SLC5A11: variants seen among roughly 807,000 people sequenced by gnomAD.
SLC5A11 encodes the protein sodium/myo-inositol cotransporter 2.
SLC5A11 carries 48 observed loss-of-function variants against 69.8 expected under a neutral mutation model. The observed-to-expected ratio is 0.69, with a 90% CI of 0.55 to 0.87. The LOEUF is 0.87. SLC5A11 is among the 40% of genes least tolerant of loss of function. The probability of loss-of-function intolerance (pLI) is 0.00; values close to 1 mark genes in which losing one functional copy is unlikely to be tolerated. For synonymous variants in SLC5A11, 319 were observed against 342.4 expected (o/e 0.93, Z 0.75); for missense variants, 784 against 866.1 (o/e 0.91, Z 1.19).
chr16:24,902,472 A>C (rs185066650), intron 10 of SLC5A11, among the ~76,000 whole-genome samples: 46 of 151,786 alleles, frequency 3.0e-4, no homozygotes, highest in African/African-American at 1.0e-3. Flanking sequence ...ATGCCTGAAG[A>C]CCTGGGTTGA....
At chr16:24,853,908 T>C (rs942518785) in intron 1 of SLC5A11, among the ~76,000 whole-genome samples, 2 of 152,220 alleles carry the variant, frequency 1.3e-5, no homozygotes, top group Admixed American at 1.3e-4. Context: ...CCTGGGATCC[T>C]GTGGCCGAGG....
At chr16:24,883,003 C>T (rs16974171) in intron 7 of SLC5A11, among the ~76,000 whole-genome samples, 4,401 of 152,274 alleles carry the variant, frequency 0.029, 200 homozygotes, top group African/African-American at 0.098. Flanking sequence ...GGCACCATCA[C>T]GATCCTCTCC....
rs77143083 is a variant in SLC5A11 at position 24,852,329 on chromosome 16, C to T, written c.-25+5891C>T. On this transcript the variant is annotated intron_variant, in intron 1 of 15. Coordinates refer to ENST00000347898, the Ensembl canonical transcript of SLC5A11. ...TGCACTGGGGTGTGGAAATTTTTCA[C>T]ATCTCCTGGGGCGTGGAAAATTTTC... 8.3e-3 allele frequency among the ~76,000 whole-genome samples: 1,269 copies of T among 152,222 alleles called. 22 individuals are homozygous for T. Among genetic ancestry groups the T allele is most frequent in the African/African-American group, 0.029 (1,209 of 41,524 alleles).
exon 14 of SLC5A11, chr16:24,908,971 C>T (rs775975837): frequency 1.2e-6 from 2 of 1,614,070 alleles, no homozygotes; most frequent in South Asian, 2.2e-5. Flanking sequence ...ATGCGACCAG[C>T]CAGATGAGCG....
At chr16:24,869,323 G>A (rs1344301419) in intron 3 of SLC5A11, among the ~76,000 whole-genome samples, 3 of 152,042 alleles carry the variant, frequency 2.0e-5, no homozygotes, top group Non-Finnish European at 4.4e-5. Flanking sequence ...CCGCAGAGAC[G>A]GTGTCCCCGT....
In SLC5A11 at chr16:24,858,849, C is replaced by G. The variant is rs542401696; in HGVS notation, c.135+71C>G. ...GTCTGTTTAGAGGTCCGGAGTTAAC[C>G]TCATCCTTTTGGAGCTAAGATACTG... On this transcript the variant is annotated intron_variant, in intron 2 of 15. Transcript: ENST00000347898. 1.4e-4 allele frequency: 219 copies of G among 1,516,380 alleles called. No individual in the cohort carries two copies. The African/African-American group carries it at 2.8e-3, about 19-fold the overall frequency. 93.9% of individuals were successfully genotyped at this position (1,516,380 alleles called of 1,614,324 possible).
intron 14 of SLC5A11, among the ~76,000 whole-genome samples, chr16:24,910,017 C>G (rs2050392322): frequency 6.6e-6 from 1 of 151,940 alleles, no homozygotes; most frequent in Admixed American, 6.6e-5. Flanking sequence ...CTGCAATACT[C>G]TAGGGTGAGG....
intron 1 of SLC5A11, among the ~76,000 whole-genome samples, chr16:24,856,597 CA>C (rs35867622): frequency 0.15 from 13,162 of 88,240 alleles, 636 homozygotes; most frequent in East Asian, 0.38. Context: ...ACTAAAAATA[CA>C]AAAAAAAAAA....
At chr16:24,905,636 GCGCGCACACACACA>G (rs1272251207) in intron 10 of SLC5A11, among the ~76,000 whole-genome samples, 5 of 78,204 alleles carry the variant, frequency 6.4e-5, no homozygotes, top group Non-Finnish European at 1.5e-4. Context: ...ACACGCGCGC[GCGCGCACACACACA>G]CACACACACA....
chr16:24,888,519 C>G (rs1372149502), intron 8 of SLC5A11, among the ~76,000 whole-genome samples: 1 of 114,236 alleles, frequency 8.8e-6, no homozygotes, highest in East Asian at 2.8e-4. Flanking sequence ...GACTCTTGCT[C>G]TGTCACCAAG....
chr16:24,897,999 C>T lies in SLC5A11; in HGVS notation c.896C>T (p.Ala299Val), dbSNP rs753086684. Residue 299 changes from alanine (A) to valine (V), a missense_variant, in exon 10 of 16, where the codon GCC becomes GTC. Ala to Val is a moderately conservative substitution (Grantham distance 64). Coordinates refer to ENST00000347898, the Ensembl canonical transcript of SLC5A11. ...GTGATTGTCCAGCGGACTCTGGCTG[C>T]CAAGAACCTGTCCCATGCCAAAGGA... The T allele has an allele frequency of 3.1e-6, 5 of 1,614,116 alleles. No homozygotes were observed. The Admixed American group carries it at 6.7e-5, about 22-fold the overall frequency.
exon 3 of SLC5A11, chr16:24,862,671 C>G: frequency 2.5e-6 from 4 of 1,613,114 alleles, no homozygotes; most frequent in Non-Finnish European, 2.5e-6. Context: ...GTGTGGTGGC[C>G]AGTAAGTGGT....
chr16:24,888,553 A>T (rs2048547213), intron 8 of SLC5A11, among the ~76,000 whole-genome samples: 1 of 133,500 alleles, frequency 7.5e-6, no homozygotes, highest in South Asian at 2.3e-4. Flanking sequence ...GCACAATCTC[A>T]GCTCACTGCA....
intron 8 of SLC5A11, among the ~76,000 whole-genome samples, chr16:24,890,579 C>G (rs1470742571): frequency 6.8e-6 from 1 of 147,616 alleles, no homozygotes; most frequent in Non-Finnish European, 1.5e-5. Flanking sequence ...TGGATAGATA[C>G]ATTCATTACT....
chr16:24,851,095 G>A (rs1356496521), intron 1 of SLC5A11, among the ~76,000 whole-genome samples: 2 of 151,268 alleles, frequency 1.3e-5, no homozygotes. Context: ...ACAGGCATAA[G>A]CCACTGCACC....
intron 7 of SLC5A11, among the ~76,000 whole-genome samples, chr16:24,879,336 G>C (rs1357906236): frequency 6.6e-6 from 1 of 152,018 alleles, no homozygotes; most frequent in East Asian, 1.9e-4. Flanking sequence ...GTACCCAATG[G>C]GTAGTTTTTC....
At chr16:24,877,190 G>A (rs1286849827) in intron 6 of SLC5A11, 68 bp from the exon 8 acceptor site, 2 of 1,592,140 alleles carry the variant, frequency 1.3e-6, no homozygotes, top group East Asian at 4.5e-5. Flanking sequence ...CAGGGAACCT[G>A]TGCTGCAAAT....
chr16:24,877,247 T>A lies in SLC5A11; in HGVS notation c.478-11T>A. 6.2e-7 allele frequency: 1 copy of A among 1,612,948 alleles called. No homozygotes were observed. Among genetic ancestry groups the A allele is most frequent in the Admixed American group, 1.7e-5 (1 of 59,882 alleles). On this transcript the variant is annotated splice_polypyrimidine_tract_variant and intron_variant, in intron 6 of 15. Coordinates refer to ENST00000347898, the Ensembl canonical transcript of SLC5A11. ...TTCATTTGTTCATCCATCAACCTCC[T>A]TTCTTCACAGGTAGACATGTATGCA...
chr16:24,909,216 G>T, intron 14 of SLC5A11, 120 bp downstream of exon 15: 1 of 977,634 alleles, frequency 1.0e-6, no homozygotes, highest in East Asian at 2.6e-5. Context: ...GTCCAGGGTT[G>T]AGGTTCAGGG....
Sources: allele counts gnomAD v4.1 joint callset (sites outside exome capture counted in the v4.1 genomes callset), GRCh38; gene constraint gnomAD v4.1.1; transcripts MANE v1.5; gene names NCBI Gene and HGNC (gene_info 2026-07-23, HGNC 2026-07-21).